The following TCF4 variants were observed in gnomAD, a reference collection of about 807,000 sequenced individuals.
TCF4 encodes the protein transcription factor 4.
Under a neutral mutation model 82.1 loss-of-function variants are expected in TCF4, and 3 were observed. That is an observed-to-expected ratio of 0.04 (90% CI 0.02 to 0.09). The LOEUF (loss-of-function observed/expected upper bound fraction) is 0.09, where lower values mean the gene tolerates loss of function less well. Among genes scored for constraint, TCF4 ranks in the 10% least tolerant of loss-of-function variants. TCF4 has a pLI of 1.00. For synonymous variants in TCF4, 276 were observed against 309.6 expected, an observed-to-expected ratio of 0.89 and a Z score of 1.14; for missense variants, 518 against 852.7, an observed-to-expected ratio of 0.61 and a Z score of 4.89.
At chr18:55,581,465 C>T (rs2147783755) in intron 3 of TCF4, among the ~76,000 whole-genome samples, 1 of 152,078 alleles carries the variant, frequency 6.6e-6, no homozygotes, top group East Asian at 1.9e-4. Context: ...AATTACTCTG[C>T]CCTTTACAAA....
At chr18:55,243,809 C>T (rs1290301357) in intron 15 of TCF4, among the ~76,000 whole-genome samples, 1 of 152,044 alleles carries the variant, frequency 6.6e-6, no homozygotes, top group African/African-American at 2.4e-5. Context: ...ATAGACCAAA[C>T]GGCAAATTTC....
At chr18:55,480,295 A>AAAAG (rs2096394885) in intron 3 of TCF4, among the ~76,000 whole-genome samples, 4 of 121,640 alleles carry the variant, frequency 3.3e-5, no homozygotes, top group Admixed American at 8.3e-5. Flanking sequence ...AAAAAAAAAA[A>AAAAG]AGCGGGGGGG....
chr18:55,350,231 C>T (rs2082044840), intron 8 of TCF4, 128 bp downstream of exon 8: 1 of 957,168 alleles, frequency 1.0e-6, no homozygotes, highest in Non-Finnish European at 1.7e-6. Context: ...GTCATTTCTA[C>T]CTCATCCACC....
intron 5 of TCF4, among the ~76,000 whole-genome samples, chr18:55,405,542 T>G (rs1380956806): frequency 6.6e-6 from 1 of 152,164 alleles, no homozygotes; most frequent in Non-Finnish European, 1.5e-5. Flanking sequence ...CCTGTAGAAT[T>G]TCACCACTCA....
chr18:55,258,226 A>T (rs2057309196), intron 13 of TCF4, among the ~76,000 whole-genome samples: 1 of 152,142 alleles, frequency 6.6e-6, no homozygotes, highest in Non-Finnish European at 1.5e-5. Context: ...TATTTTGTTC[A>T]ATTACTTTTC....
chr18:55,252,068 T>C (rs1420745683), intron 15 of TCF4, among the ~76,000 whole-genome samples: 1 of 151,992 alleles, frequency 6.6e-6, no homozygotes, highest in Non-Finnish European at 1.5e-5. Context: ...TTAAAATTCA[T>C]ACCAGTTTGC....
At chr18:55,336,248 T>A (rs574745636) in intron 8 of TCF4, among the ~76,000 whole-genome samples, 175 of 152,240 alleles carry the variant, frequency 1.1e-3, no homozygotes, top group African/African-American at 4.1e-3. Context: ...ATAATTTTAA[T>A]ACTTTTACTT....
chr18:55,233,976 T>C (rs915103452), intron 16 of TCF4, among the ~76,000 whole-genome samples: 1 of 152,032 alleles, frequency 6.6e-6, no homozygotes, highest in Non-Finnish European at 1.5e-5. Flanking sequence ...TTATATTAAA[T>C]GTGAAGGGAC....
intron 8 of TCF4, among the ~76,000 whole-genome samples, chr18:55,289,807 T>C (rs1165847871): frequency 1.3e-5 from 2 of 152,094 alleles, no homozygotes; most frequent in Non-Finnish European, 2.9e-5. Context: ...TTATTTCTTC[T>C]ATACCCTATT....
intron 10 of TCF4, among the ~76,000 whole-genome samples, chr18:55,270,601 T>C (rs1324097880): frequency 1.3e-5 from 2 of 152,162 alleles, no homozygotes; most frequent in African/African-American, 2.4e-5. Context: ...GTTTGAGTAC[T>C]TTCTTTCCAT....
upstream of TCF4, chr18:55,588,726 A>C (rs1415010827): frequency 3.1e-6 from 4 of 1,286,486 alleles, no homozygotes; most frequent in Non-Finnish European, 3.9e-6. Context: ...AAATCAAGCC[A>C]CATTTTCCTG....
chr18:55,549,659 T>A (rs1215668902), intron 3 of TCF4, among the ~76,000 whole-genome samples: 3 of 151,944 alleles, frequency 2.0e-5, no homozygotes, highest in African/African-American at 7.3e-5. Context: ...GGTGCTGTCA[T>A]CTCCTATGAT....
chr18:55,350,426 T>A lies in TCF4; in HGVS notation c.500-18A>T. On this transcript the variant is annotated intron_variant, in intron 7 of 19. Transcript: ENST00000354452. Reference sequence around the variant, plus strand: ...CTGTACCTCTGAAAGAAAATGAAGATGCTTTCAGCTCCCAAATGCCCATTT... The same window carrying A: ...CTGTACCTCTGAAAGAAAATGAAGAAGCTTTCAGCTCCCAAATGCCCATTT... 6.2e-7 allele frequency: 1 copy of A among 1,613,378 alleles called. No homozygotes were observed. The highest frequency in any genetic ancestry group is 2.2e-5 in the East Asian group (1 of 44,820).
intron 4 of TCF4, among the ~76,000 whole-genome samples, chr18:55,463,794 C>A (rs149592081): frequency 1.7e-3 from 260 of 152,194 alleles, no homozygotes; most frequent in Non-Finnish European, 3.0e-3. Context: ...AAGGAATTTT[C>A]TTCTGGTTAG....
chr18:55,539,029 C>G (rs367903598), intron 3 of TCF4, among the ~76,000 whole-genome samples: 6 of 151,594 alleles, frequency 4.0e-5, no homozygotes, highest in Non-Finnish European at 7.4e-5. Context: ...CACACACGTG[C>G]GCGCACACAC....
At chr18:55,601,596 C>G (rs1425616666) in intron 2 of TCF4, among the ~76,000 whole-genome samples, 1 of 152,096 alleles carries the variant, frequency 6.6e-6, no homozygotes, top group African/African-American at 2.4e-5. Flanking sequence ...CCAGCCTGAC[C>G]AACATGGTGA....
At chr18:55,493,369 A>G (rs2096595597) in intron 3 of TCF4, among the ~76,000 whole-genome samples, 1 of 151,956 alleles carries the variant, frequency 6.6e-6, no homozygotes, top group African/African-American at 2.4e-5. Context: ...AAATAATATC[A>G]CTCTCTAGGG....
At chr18:55,367,532 T>A (rs1015346357) in intron 6 of TCF4, among the ~76,000 whole-genome samples, 3 of 152,232 alleles carry the variant, frequency 2.0e-5, no homozygotes, top group African/African-American at 7.2e-5. Context: ...GTGCCTATGA[T>A]GTCTTTAGAG....
intron 2 of TCF4, among the ~76,000 whole-genome samples, chr18:55,607,181 A>G (rs1458877266): frequency 6.6e-6 from 1 of 152,224 alleles, no homozygotes; most frequent in African/African-American, 2.4e-5. Flanking sequence ...TTCTAAAAAA[A>G]TAAATTCATG....
Sources: gnomAD v4.1 joint callset for allele counts (sites outside exome capture counted in the v4.1 genomes callset) on GRCh38, gnomAD v4.1.1 for gene constraint, MANE v1.5 for transcripts, NCBI Gene and HGNC (gene_info 2026-07-23, HGNC 2026-07-21) for gene names.